The following CCSER1 variants were observed in gnomAD, a reference collection of about 807,000 sequenced individuals.
CCSER1 encodes the protein serine-rich coiled-coil domain-containing protein 1.
Under a neutral mutation model 82.0 loss-of-function variants are expected in CCSER1, and 41 were observed. The ratio of observed to expected loss-of-function variants is 0.50; its 90% CI spans 0.39 to 0.65. The LOEUF (loss-of-function observed/expected upper bound fraction) is 0.65, where lower values mean the gene tolerates loss of function less well. CCSER1 is among the 30% of genes least tolerant of loss of function. The probability of loss-of-function intolerance (pLI) is 0.00; values close to 1 mark genes in which losing one functional copy is unlikely to be tolerated. For missense variants in CCSER1, 1,119 were observed against 1,064.2 expected (o/e 1.05, Z -0.72); for synonymous variants, 414 against 383.9 (o/e 1.08, Z -0.92).
At chr4:91,433,970 T>C (rs1346507314) in intron 10 of CCSER1, among the ~76,000 whole-genome samples, 1 of 152,124 alleles carries the variant, frequency 6.6e-6, no homozygotes, top group Non-Finnish European at 1.5e-5. Flanking sequence ...ATAGTATAGG[T>C]TCTGAGAAGT....
At chr4:90,530,503 G>A (rs918991492) in intron 5 of CCSER1, among the ~76,000 whole-genome samples, 4 of 152,146 alleles carry the variant, frequency 2.6e-5, no homozygotes, top group African/African-American at 7.2e-5. Flanking sequence ...AGAGAGTCAC[G>A]TGCAAGGGAC....
chr4:90,311,533 G>A (rs1735286139), intron 2 of CCSER1, among the ~76,000 whole-genome samples: 1 of 151,938 alleles, frequency 6.6e-6, no homozygotes, highest in Non-Finnish European at 1.5e-5. Context: ...TTATAATTTT[G>A]AAGTTTAAAA....
chr4:91,350,453 T>A (rs756648739), intron 10 of CCSER1, among the ~76,000 whole-genome samples: 1 of 152,148 alleles, frequency 6.6e-6, no homozygotes, highest in Non-Finnish European at 1.5e-5. Context: ...GTTCCTCTTT[T>A]TAGTGTCATT....
intron 3 of CCSER1, among the ~76,000 whole-genome samples, chr4:90,319,536 A>G (rs1199739771): frequency 6.6e-6 from 1 of 152,158 alleles, no homozygotes; most frequent in African/African-American, 2.4e-5. Flanking sequence ...CTGTAGTCCC[A>G]GCTACTTGGG....
chr4:90,338,461 A>G (rs927016723), intron 3 of CCSER1, among the ~76,000 whole-genome samples: 22 of 152,204 alleles, frequency 1.4e-4, no homozygotes, highest in Admixed American at 1.0e-3. Flanking sequence ...TGCAGCTTAC[A>G]CAGGAAAAAG....
chr4:90,353,454 G>T (rs2153513898), intron 3 of CCSER1, among the ~76,000 whole-genome samples: 2 of 152,260 alleles, frequency 1.3e-5, no homozygotes, highest in East Asian at 3.9e-4. Flanking sequence ...GTTTTTCTCT[G>T]CTTCTTTCTG....
At chr4:91,040,403 A>G (rs996515129) in intron 9 of CCSER1, among the ~76,000 whole-genome samples, 2 of 152,194 alleles carry the variant, frequency 1.3e-5, no homozygotes, top group Non-Finnish European at 2.9e-5. Flanking sequence ...GGAGACAAAG[A>G]TAACTGATGA....
chr4:91,476,327 A>G (rs1757592888), intron 10 of CCSER1, among the ~76,000 whole-genome samples: 1 of 151,742 alleles, frequency 6.6e-6, no homozygotes, highest in Admixed American at 6.6e-5. Flanking sequence ...TAAGAAATAG[A>G]CATTTTAACT....
chr4:90,782,077 T>C (rs1753851813), intron 7 of CCSER1: 2 of 563,026 alleles, frequency 3.6e-6, no homozygotes, highest in African/African-American at 4.1e-5. Flanking sequence ...TCTTGAGTAT[T>C]CAAGGATTAA....
At chr4:91,369,836 A>AT (rs11309502) in intron 10 of CCSER1, among the ~76,000 whole-genome samples, 79 of 145,110 alleles carry the variant, frequency 5.4e-4, no homozygotes, top group Middle Eastern at 7.2e-3. Flanking sequence ...CGCCTAGCTA[A>AT]TTTTTTTTTT....
chr4:90,231,469 T>A (rs1744533674), intron 1 of CCSER1, among the ~76,000 whole-genome samples: 1 of 147,964 alleles, frequency 6.8e-6, no homozygotes, highest in Non-Finnish European at 1.5e-5. Context: ...ATGGGACGTA[T>A]CTCAAAATAA....
intron 5 of CCSER1, among the ~76,000 whole-genome samples, chr4:90,538,543 T>A (rs1775709694): frequency 6.6e-6 from 1 of 152,120 alleles, no homozygotes; most frequent in South Asian, 2.1e-4. Flanking sequence ...CAACTTTGAT[T>A]TACATTTTCT....
At chr4:90,853,156 A>G (rs550266550) in intron 8 of CCSER1, among the ~76,000 whole-genome samples, 47 of 152,298 alleles carry the variant, frequency 3.1e-4, no homozygotes, top group African/African-American at 4.8e-4. Flanking sequence ...ACCTCTGTTC[A>G]TACCCTACTA....
rs183327866 is a variant in CCSER1, at chr4:90,639,879, T to C, written c.1932+11647T>C. On this transcript the variant is annotated intron_variant, in intron 6 of 10. Coordinates refer to ENST00000509176, the MANE Select transcript of CCSER1 (RefSeq NM_001145065.2). ...GATCATGGCTAGAAATGTAGATTGATTATTCATGATCATATAGATTCTATT... is the reference window on the plus strand; with the variant it reads ...GATCATGGCTAGAAATGTAGATTGACTATTCATGATCATATAGATTCTATT... 2.0e-5 allele frequency among the ~76,000 whole-genome samples: 3 copies of C among 152,284 alleles called. No homozygotes were observed. The East Asian group carries it at 5.8e-4, about 29-fold the overall frequency.
rs906003159 is a variant in CCSER1 at position 90,294,968 on chromosome 4, C to A, written c.-41-13276C>A. On this transcript the variant is annotated intron_variant, in intron 1 of 10. Transcript: ENST00000509176. ...AAAATGTATTCCGAATAGTATATCA[C>A]TTACCAATTTGATTTTATTAACACA... Among the ~76,000 whole-genome samples the A allele has an allele frequency of 2.6e-5, 4 of 152,044 alleles. No individual in the cohort carries two copies. In the East Asian group the frequency reaches 7.7e-4, roughly 29 times the overall value.
intron 10 of CCSER1, among the ~76,000 whole-genome samples, chr4:91,519,155 G>A (rs892275712): frequency 3.9e-5 from 6 of 152,298 alleles, no homozygotes; most frequent in South Asian, 2.1e-4. Context: ...AGGAGGCTGC[G>A]CCCAATGAGG....
intron 6 of CCSER1, among the ~76,000 whole-genome samples, chr4:90,715,161 A>G (rs1741396216): frequency 6.6e-6 from 1 of 152,040 alleles, no homozygotes; most frequent in Non-Finnish European, 1.5e-5. Context: ...TAAATAGATT[A>G]CCAATAATTC....
intron 4 of CCSER1, among the ~76,000 whole-genome samples, chr4:90,411,742 A>C (rs964116226): frequency 1.3e-5 from 2 of 152,186 alleles, no homozygotes; most frequent in Non-Finnish European, 2.9e-5. Context: ...CACCACTCCT[A>C]TTCAACATAG....
intron 10 of CCSER1, among the ~76,000 whole-genome samples, chr4:91,325,691 C>A (rs919344477): frequency 3.0e-4 from 45 of 152,320 alleles, no homozygotes; most frequent in African/African-American, 1.1e-3. Flanking sequence ...CAGAATTTGG[C>A]TGCCTGCCAT....
Sources: gnomAD v4.1 joint callset for allele counts (sites outside exome capture counted in the v4.1 genomes callset) on GRCh38, gnomAD v4.1.1 for gene constraint, MANE v1.5 for transcripts, NCBI Gene and HGNC (gene_info 2026-07-23, HGNC 2026-07-21) for gene names.